MIPEP: variants seen among roughly 807,000 people sequenced by gnomAD.
The protein encoded by MIPEP is mitochondrial intermediate peptidase.
A neutral mutation model predicts 90.3 loss-of-function variants in MIPEP; 79 were observed. The ratio of observed to expected loss-of-function variants is 0.87; its 90% CI spans 0.73 to 1.05. The LOEUF (loss-of-function observed/expected upper bound fraction) is 1.05. Ranked by LOEUF, MIPEP falls within the 50% of genes least tolerant of loss-of-function variation. MIPEP has a pLI of 0.00. For missense variants in MIPEP, 940 were observed against 905.6 expected (o/e 1.04, Z -0.49); for synonymous variants, 334 against 315.8 (o/e 1.06, Z -0.61).
chr13:23,777,497 T>C (rs760046509), intron 16 of MIPEP, among the ~76,000 whole-genome samples: 9 of 152,202 alleles, frequency 5.9e-5, no homozygotes, highest in Non-Finnish European at 1.2e-4. Flanking sequence ...GATTACTGTG[T>C]TACAGTATTG....
chr13:23,752,070 A>T (rs1030482038), intron 18 of MIPEP, among the ~76,000 whole-genome samples: 12 of 152,212 alleles, frequency 7.9e-5, no homozygotes, highest in Non-Finnish European at 1.6e-4. Context: ...GGCAGCACAG[A>T]GGGTATGAAC....
At chr13:23,806,449 G>A (rs1352676598) in intron 15 of MIPEP, among the ~76,000 whole-genome samples, 9 of 152,064 alleles carry the variant, frequency 5.9e-5, no homozygotes, top group Non-Finnish European at 8.8e-5. Context: ...AGGCCGAGGC[G>A]GGAGGATCAC....
At chr13:23,831,713 G>C (rs1868775889) in intron 14 of MIPEP, among the ~76,000 whole-genome samples, 1 of 152,106 alleles carries the variant, frequency 6.6e-6, no homozygotes, top group Non-Finnish European at 1.5e-5. Context: ...CCTCCAGAGA[G>C]AGCTATTACT....
At chr13:23,879,848 T>C (rs892097758) in intron 3 of MIPEP, among the ~76,000 whole-genome samples, 1 of 152,150 alleles carries the variant, frequency 6.6e-6, no homozygotes, top group South Asian at 2.1e-4. Flanking sequence ...AATGAGATCA[T>C]GTGTGCAGCA....
chr13:23,829,046 T>C (rs1423703992), intron 14 of MIPEP, among the ~76,000 whole-genome samples: 1 of 152,208 alleles, frequency 6.6e-6, no homozygotes, highest in Non-Finnish European at 1.5e-5. Flanking sequence ...GACAATTGCA[T>C]GTACATGAGT....
intron 16 of MIPEP, among the ~76,000 whole-genome samples, chr13:23,782,682 A>T (rs532545618): frequency 8.2e-4 from 125 of 152,296 alleles, no homozygotes; most frequent in Admixed American, 3.8e-3. Context: ...TTTTTTGAAA[A>T]GATCAACAAA....
intron 14 of MIPEP, among the ~76,000 whole-genome samples, chr13:23,823,830 T>G (rs74038793): frequency 0.018 from 2,690 of 152,194 alleles, 87 homozygotes; most frequent in African/African-American, 0.062. Context: ...CCTGTCCCTC[T>G]CTCACCAAAA....
chr13:23,804,471 C>T (rs956017625), intron 16 of MIPEP, among the ~76,000 whole-genome samples: 2 of 152,126 alleles, frequency 1.3e-5, no homozygotes, highest in African/African-American at 4.8e-5. Context: ...TTATTTATTC[C>T]ATGAATAAAT....
chr13:23,796,100 A>G (rs1682804796), intron 16 of MIPEP, among the ~76,000 whole-genome samples: 1 of 152,140 alleles, frequency 6.6e-6, no homozygotes, highest in Non-Finnish European at 1.5e-5. Flanking sequence ...TGTATGCTCT[A>G]TATATCGAAC....
At chr13:23,810,573 C>T (rs1477308666) in intron 14 of MIPEP, among the ~76,000 whole-genome samples, 5 of 152,198 alleles carry the variant, frequency 3.3e-5, no homozygotes. Flanking sequence ...GAACTTTCCT[C>T]AATCTTACTC....
chr13:23,775,123 G>C lies in MIPEP; in HGVS notation c.1849-14906C>G, dbSNP rs1166531001. 2.4e-3 allele frequency among the ~76,000 whole-genome samples: 368 copies of C among 151,102 alleles called. 1 individual carries two copies. The highest frequency in any genetic ancestry group is 8.3e-3 in the African/African-American group (343 of 41,134). ...CTATCAGTTCTCTGTGTGTGTGTGT[G>C]TGTGTGTGTGTGTGTGTGTGTGTGT... On this transcript the variant is annotated intron_variant, in intron 16 of 18. Coordinates refer to ENST00000382172, the MANE Select transcript of MIPEP (RefSeq NM_005932.4).
intron 14 of MIPEP, among the ~76,000 whole-genome samples, chr13:23,832,323 C>G (rs1303464160): frequency 6.6e-6 from 1 of 152,112 alleles, no homozygotes; most frequent in Non-Finnish European, 1.5e-5. Flanking sequence ...GATACGGCCC[C>G]TTGACCTTGG....
intron 16 of MIPEP, among the ~76,000 whole-genome samples, chr13:23,794,445 C>T (rs1176495646): frequency 6.6e-6 from 1 of 152,176 alleles, no homozygotes; most frequent in Non-Finnish European, 1.5e-5. Context: ...AGAGGCATCA[C>T]AATGGTCCCT....
intron 4 of MIPEP, among the ~76,000 whole-genome samples, chr13:23,875,530 C>CT (rs548725844): frequency 0.13 from 17,864 of 142,076 alleles, 1,163 homozygotes; most frequent in Non-Finnish European, 0.15. Context: ...AGTGTAACAC[C>CT]TTTTTTTTTT....
At chr13:23,781,625 G>GGGC (rs2137362091) in intron 16 of MIPEP, among the ~76,000 whole-genome samples, 1 of 145,806 alleles carries the variant, frequency 6.9e-6, no homozygotes, top group South Asian at 2.1e-4. Flanking sequence ...AAATGTAAAT[G>GGGC]GGCTAAATGC....
chr13:23,880,257 A>C (rs1226700105), intron 3 of MIPEP, among the ~76,000 whole-genome samples: 1 of 152,200 alleles, frequency 6.6e-6, no homozygotes, highest in Non-Finnish European at 1.5e-5. Flanking sequence ...CATCAAAAAA[A>C]CACTCACCAA....
chr13:23,886,911 A>G (rs561873098), intron 1 of MIPEP, among the ~76,000 whole-genome samples: 1 of 152,106 alleles, frequency 6.6e-6, no homozygotes, highest in South Asian at 2.1e-4. Flanking sequence ...ATTAGCTTAT[A>G]ACCCTGGTCA....
chr13:23,854,073 C>T (rs932164619), intron 10 of MIPEP, among the ~76,000 whole-genome samples: 6 of 151,728 alleles, frequency 4.0e-5, no homozygotes, highest in African/African-American at 1.2e-4. Flanking sequence ...CGCCTGTAAT[C>T]CCAGCACTTT....
chr13:23,745,213 T>C (rs1283210413), intron 18 of MIPEP, among the ~76,000 whole-genome samples: 1 of 150,120 alleles, frequency 6.7e-6, no homozygotes, highest in African/African-American at 2.5e-5. Context: ...GAAACTTTAA[T>C]GTAAAGATAA....
Sources: gnomAD v4.1 joint callset for allele counts (sites outside exome capture counted in the v4.1 genomes callset) on GRCh38, gnomAD v4.1.1 for gene constraint, MANE v1.5 for transcripts, NCBI Gene and HGNC (gene_info 2026-07-23, HGNC 2026-07-21) for gene names.